The following OR4N2 variants were observed in gnomAD, a reference collection of about 807,000 sequenced individuals.
OR4N2 encodes olfactory receptor 4N2.
For missense variants in OR4N2, 307 were observed against 377.6 expected (o/e 0.81, Z 1.55); for synonymous variants, 141 against 140.4 (o/e 1.00, Z -0.03).
At position 19,828,648 on chromosome 14, in the gene OR4N2, A is replaced by G; in HGVS notation, c.*276A>G. 1 of 341,690 alleles carries G rather than the reference A, an allele frequency of 2.9e-6. No individual in the cohort carries two copies. Among genetic ancestry groups the G allele is most frequent in the Non-Finnish European group, 5.4e-6 (1 of 185,638 alleles). The allele number at this position is 341,690 out of a possible 1,614,324, so 21.2% of individuals were successfully genotyped here. ...AACTAAAAAGAAAAGTGAAATGATA[A>G]ATTGTGACTCTGGATTGGGAGTAAC... On this transcript the variant is annotated 3_prime_UTR_variant, in exon 2 of 2. Transcript: ENST00000557677.
Position 19,815,188 on chromosome 14 carries a change from G to A in OR4N2, c.-10+11344G>A, listed in dbSNP as rs1879393746. 2.0e-5 allele frequency among the ~76,000 whole-genome samples: 3 copies of A among 152,382 alleles called. No individual in the cohort carries two copies. In the South Asian group the frequency reaches 6.2e-4, roughly 32 times the overall value. ...TTATAATTCTTTGGGTATATACCCA[G>A]TAATGGGATTGCTGGGTCAAATGGT... On this transcript the variant is annotated intron_variant, in intron 1 of 1. Transcript: ENST00000557677.
intron 1 of OR4N2, among the ~76,000 whole-genome samples, chr14:19,827,161 C>T (rs117724789): frequency 0.016 from 2,417 of 152,102 alleles, 57 homozygotes; most frequent in East Asian, 0.071. Flanking sequence ...GGAATCCCAA[C>T]GTGGAGGATA....
At chr14:19,808,855 G>T (rs1286575289) in intron 1 of OR4N2, among the ~76,000 whole-genome samples, 1 of 151,740 alleles carries the variant, frequency 6.6e-6, no homozygotes, top group East Asian at 1.9e-4. Context: ...GAAACTAGAG[G>T]CATCACACTA....
chr14:19,812,911 T>C (rs1879337773), intron 1 of OR4N2, among the ~76,000 whole-genome samples: 2 of 152,262 alleles, frequency 1.3e-5, no homozygotes, highest in South Asian at 2.1e-4. Flanking sequence ...TATATACATG[T>C]CAATGCATAA....
intron 1 of OR4N2, among the ~76,000 whole-genome samples, chr14:19,813,450 G>A (rs577836702): frequency 5.9e-5 from 9 of 152,382 alleles, no homozygotes; most frequent in African/African-American, 2.2e-4. Context: ...TGGAAAGAAC[G>A]CTGCAGAGGA....
At chr14:19,809,357 C>T (rs1319246472) in intron 1 of OR4N2, among the ~76,000 whole-genome samples, 2 of 152,064 alleles carry the variant, frequency 1.3e-5, no homozygotes, top group African/African-American at 2.4e-5. Context: ...GTTGACAAGT[C>T]GGGCCTAATT....
At chr14:19,821,323 G>T (rs1396876492) in intron 1 of OR4N2, among the ~76,000 whole-genome samples, 1 of 152,228 alleles carries the variant, frequency 6.6e-6, no homozygotes, top group Non-Finnish European at 1.5e-5. Flanking sequence ...GAAATCTTCT[G>T]TGAGTAACCT....
Position 19,828,192 on chromosome 14 carries a change from C to G in OR4N2, c.744C>G (p.Phe248Leu), listed in dbSNP as rs1389977305. 3 of 1,613,928 alleles carry G rather than the reference C, an allele frequency of 1.9e-6. No individual in the cohort carries two copies. The Admixed American group carries it at 5.0e-5, about 27-fold the overall frequency. Reference protein sequence around the residue: ...STCITHIIVIFFMFGPGIFIY... With the variant: ...STCITHIIVILFMFGPGIFIY... Reference sequence around the variant, plus strand: ...GCATCACCCATATCATTGTTATATTCTTCATGTTTGGACCTGGCATCTTCA... The same window carrying G: ...GCATCACCCATATCATTGTTATATTGTTCATGTTTGGACCTGGCATCTTCA... The change falls in exon 2 of 2, where the codon TTC becomes TTG. Residue 248 changes from phenylalanine to leucine, a missense_variant. Phe to Leu is a conservative substitution (Grantham distance 22, BLOSUM62 0). Transcript: ENST00000557677.
Position 19,827,826 on chromosome 14 carries a change from C to G in OR4N2, c.378C>G (p.Ile126Met), listed in dbSNP as rs1382697468. ...TGGCCTTTGACCGCTACATCGCCATCTGCCGGCCTCTGCACTATCCTACTG... is the reference window on the plus strand; with the variant it reads ...TGGCCTTTGACCGCTACATCGCCATGTGCCGGCCTCTGCACTATCCTACTG... ...VVMAFDRYIAICRPLHYPTVM... is the reference protein window; with the variant it reads ...VVMAFDRYIAMCRPLHYPTVM... The change falls in exon 2 of 2, where the codon ATC (isoleucine) becomes ATG (methionine). Residue 126 changes from isoleucine to methionine, a missense_variant. Coordinates refer to ENST00000557677, the MANE Select transcript of OR4N2 (RefSeq NM_001004723.3). The G allele has an allele frequency of 2.5e-6, 4 of 1,614,252 alleles. No homozygotes were observed. Among genetic ancestry groups the G allele is most frequent in the Non-Finnish European group, 3.4e-6 (4 of 1,180,040 alleles).
At chr14:19,815,705 A>G (rs1879410809) in intron 1 of OR4N2, among the ~76,000 whole-genome samples, 1 of 139,904 alleles carries the variant, frequency 7.1e-6, no homozygotes, top group Non-Finnish European at 1.5e-5. Flanking sequence ...CAGTTTAATT[A>G]GATCTCATTT....
chr14:19,819,052 C>T (rs1879497002), intron 1 of OR4N2, among the ~76,000 whole-genome samples: 1 of 152,224 alleles, frequency 6.6e-6, no homozygotes, highest in Admixed American at 6.5e-5. Flanking sequence ...GAGAGATCCA[C>T]TGTTAGTCTG....
chr14:19,818,689 T>A (rs1879487900), intron 1 of OR4N2, among the ~76,000 whole-genome samples: 1 of 152,220 alleles, frequency 6.6e-6, no homozygotes, highest in Non-Finnish European at 1.5e-5. Flanking sequence ...ACATTTAAGG[T>A]TAACATTGTT....
At chr14:19,817,835 A>G (rs568398596) in intron 1 of OR4N2, among the ~76,000 whole-genome samples, 175 of 152,274 alleles carry the variant, frequency 1.1e-3, no homozygotes, top group African/African-American at 4.0e-3. Flanking sequence ...AGTGCTATAA[A>G]TTTTCCTCTA....
chr14:19,824,017 C>T (rs1935883075), intron 1 of OR4N2, among the ~76,000 whole-genome samples: 1 of 152,198 alleles, frequency 6.6e-6, no homozygotes, highest in South Asian at 2.1e-4. Flanking sequence ...TTCATCTTCC[C>T]TATTTCTGTA....
Position 19,809,454 on chromosome 14 carries a change from A to G in OR4N2, c.-10+5610A>G, listed in dbSNP as rs189059050. ...AAAATATTCACAAGCTATGATTCCA[A>G]ACAAAGGTCTAATATCCAGAAACTA... On this transcript the variant is annotated intron_variant, in intron 1 of 1. Transcript: ENST00000557677. Among the ~76,000 whole-genome samples, 350 of 152,292 alleles carry G rather than the reference A, an allele frequency of 2.3e-3. 3 individuals carry two copies. Among genetic ancestry groups the G allele is most frequent in the Admixed American group, 0.022 (336 of 15,254 alleles).
chr14:19,827,545 A>C lies in OR4N2; in HGVS notation c.97A>C (p.Ile33Leu), dbSNP rs143918232. 1.2e-5 allele frequency: 19 copies of C among 1,614,176 alleles called. No homozygotes were observed. In the African/African-American group the frequency reaches 1.7e-4, roughly 15 times the overall value. ...GCTCCTGGTCTTTGTGCTAGTTTTAATATTCTACTTCATCATCCTCCCTGG... is the reference window on the plus strand; with the variant it reads ...GCTCCTGGTCTTTGTGCTAGTTTTACTATTCTACTTCATCATCCTCCCTGG... ...IQLLVFVLVL[I>L]FYFIILPGNF... The change falls in exon 2 of 2, where the codon ATA becomes CTA. Residue 33 changes from isoleucine to leucine, a missense_variant. Physicochemically the swap from Ile to Leu is conservative, Grantham distance 5. Coordinates refer to ENST00000557677, the MANE Select transcript of OR4N2 (RefSeq NM_001004723.3).
At chr14:19,817,034 A>G (rs1422014870) in intron 1 of OR4N2, among the ~76,000 whole-genome samples, 1 of 152,262 alleles carries the variant, frequency 6.6e-6, no homozygotes, top group Non-Finnish European at 1.5e-5. Context: ...CATCCCAGGG[A>G]TGAAGCTGAG....
chr14:19,825,713 G>A (rs1464622789), intron 1 of OR4N2, among the ~76,000 whole-genome samples: 1 of 152,120 alleles, frequency 6.6e-6, no homozygotes, highest in Non-Finnish European at 1.5e-5. Flanking sequence ...CCACCACCAC[G>A]TCCAGCTAAT....
chr14:19,827,687 G>A lies in OR4N2; in HGVS notation c.239G>A (p.Arg80Gln), dbSNP rs139404162. The A allele has an allele frequency of 6.8e-5, 110 of 1,614,210 alleles. No individual in the cohort carries two copies. The African/African-American group carries it at 8.1e-4, about 12-fold the overall frequency. Residue 80 changes from arginine (R) to glutamine (Q), a missense_variant, in exon 2 of 2, where the codon CGG becomes CAG. Coordinates refer to ENST00000557677, the MANE Select transcript of OR4N2 (RefSeq NM_001004723.3). ...DASYSFIVAP[R>Q]MLVDFLSAKK... ...TCCTACTCCTTCATTGTGGCTCCCC[G>A]GATGTTGGTGGACTTCCTCTCTGCG...
Sources: gnomAD v4.1 joint callset for allele counts (sites outside exome capture counted in the v4.1 genomes callset) on GRCh38, gnomAD v4.1.1 for gene constraint, MANE v1.5 for transcripts, NCBI Gene and HGNC (gene_info 2026-07-23, HGNC 2026-07-21) for gene names.